TRAK2: variants seen among roughly 807,000 people sequenced by gnomAD.
TRAK2 encodes trafficking kinesin protein 2, also known as trafficking kinesin-binding protein 2.
TRAK2 carries 81 observed loss-of-function variants against 104.6 expected under a neutral mutation model. The observed-to-expected ratio is 0.77, with a 90% CI of 0.65 to 0.93. The LOEUF (loss-of-function observed/expected upper bound fraction) is 0.93. Ranked by LOEUF, TRAK2 falls within the 40% of genes least tolerant of loss-of-function variation. The pLI, the probability that TRAK2 is intolerant of heterozygous loss-of-function variation, is 0.00. For missense variants in TRAK2, 1,002 were observed against 1,089.0 expected (o/e 0.92, Z 1.12); for synonymous variants, 406 against 394.4 (o/e 1.03, Z -0.35).
chr2:201,425,567 A>G (rs554997779), intron 1 of TRAK2, among the ~76,000 whole-genome samples: 9 of 151,948 alleles, frequency 5.9e-5, no homozygotes, highest in Admixed American at 5.9e-4. Flanking sequence ...CGCCTGGCTA[A>G]TTTTTTTATT....
In TRAK2 at chr2:201,379,936, G is replaced by C. The variant is rs1243581030; in HGVS notation, c.*607C>G. 2.0e-5 allele frequency: 3 copies of C among 151,948 alleles called. No individual in the cohort carries two copies. The East Asian group carries it at 5.8e-4, about 29-fold the overall frequency. 9.4% of individuals were successfully genotyped at this position (151,948 alleles called of 1,614,324 possible). ...GGGCTCAAAGGCCTGAAAACAGAAAGGAAAATAGGAGTCTCCACCTGTGAT... is the reference window on the plus strand; with the variant it reads ...GGGCTCAAAGGCCTGAAAACAGAAACGAAAATAGGAGTCTCCACCTGTGAT... On this transcript the variant is annotated 3_prime_UTR_variant, in exon 16 of 16. Transcript: ENST00000332624.
At chr2:201,423,618 T>A (rs531501490) in intron 1 of TRAK2, 151 of 152,330 alleles carry the variant, frequency 9.9e-4, no homozygotes, top group African/African-American at 2.9e-3. Flanking sequence ...AAAATTTTTT[T>A]AAAAATTTGA....
At chr2:201,392,050 G>A (rs1420833216) in intron 10 of TRAK2, among the ~76,000 whole-genome samples, 1 of 152,068 alleles carries the variant, frequency 6.6e-6, no homozygotes, top group Non-Finnish European at 1.5e-5. Context: ...GTGTCCAAAT[G>A]TCCTCGTTTT....
intron 1 of TRAK2, among the ~76,000 whole-genome samples, chr2:201,423,776 C>T (rs940811216): frequency 2.6e-5 from 4 of 151,810 alleles, no homozygotes; most frequent in Non-Finnish European, 4.4e-5. Context: ...GTATATAATA[C>T]ACAATTTTAA....
intron 15 of TRAK2, among the ~76,000 whole-genome samples, chr2:201,383,093 G>C (rs999616390): frequency 6.6e-6 from 1 of 152,204 alleles, no homozygotes; most frequent in African/African-American, 2.4e-5. Flanking sequence ...AGCTACCTTA[G>C]ATCCTTTTGG....
At chr2:201,417,241 C>CAAAAAAAAAAAAAAAAAAAAAAAAAGAA (rs61702415) in intron 2 of TRAK2, among the ~76,000 whole-genome samples, 1 of 88,432 alleles carries the variant, frequency 1.1e-5, no homozygotes, top group Non-Finnish European at 2.2e-5. Flanking sequence ...GAAGACATTG[C>CAAAAAAAAAAAAAAAAAAAAAAAAAGAA]AAAAAAAAAA....
intron 2 of TRAK2, among the ~76,000 whole-genome samples, chr2:201,414,907 A>C (rs1217909247): frequency 6.6e-6 from 1 of 151,468 alleles, no homozygotes; most frequent in Non-Finnish European, 1.5e-5. Flanking sequence ...TCTCTTCTAG[A>C]CTAGAATAAT....
At chr2:201,432,451 G>A (rs1158158330) in intron 1 of TRAK2, among the ~76,000 whole-genome samples, 1 of 152,052 alleles carries the variant, frequency 6.6e-6, no homozygotes, top group Non-Finnish European at 1.5e-5. Flanking sequence ...AACCAATCAG[G>A]CATGTATCAT....
chr2:201,407,752 T>A (rs1951608077), intron 2 of TRAK2, among the ~76,000 whole-genome samples, 155 bp from the exon 3 acceptor site: 1 of 77,678 alleles, frequency 1.3e-5, no homozygotes, highest in African/African-American at 4.6e-5. Context: ...TATATCCTAG[T>A]AGTATAGTTT....
intron 2 of TRAK2, among the ~76,000 whole-genome samples, chr2:201,414,793 T>C (rs759076965): frequency 2.0e-5 from 3 of 152,020 alleles, no homozygotes; most frequent in Admixed American, 2.0e-4. Context: ...AGAAGTTGAC[T>C]ATAAATACAT....
At chr2:201,436,865 G>A (rs1420127140) in intron 1 of TRAK2, among the ~76,000 whole-genome samples, 1 of 152,154 alleles carries the variant, frequency 6.6e-6, no homozygotes, top group Non-Finnish European at 1.5e-5. Flanking sequence ...AGAACAGAGG[G>A]TAACTTAAAA....
At chr2:201,426,769 A>G (rs1209050623) in intron 1 of TRAK2, among the ~76,000 whole-genome samples, 2 of 152,228 alleles carry the variant, frequency 1.3e-5, no homozygotes, top group African/African-American at 4.8e-5. Context: ...CTGTGCACCA[A>G]GTCCAGGGTG....
chr2:201,427,848 T>G (rs1951803902), intron 1 of TRAK2, among the ~76,000 whole-genome samples: 1 of 152,206 alleles, frequency 6.6e-6, no homozygotes, highest in Non-Finnish European at 1.5e-5. Context: ...TTTCCTGACT[T>G]TTTAATGACT....
intron 1 of TRAK2, among the ~76,000 whole-genome samples, chr2:201,449,646 G>T (rs1951994820): frequency 6.6e-6 from 1 of 150,608 alleles, no homozygotes; most frequent in Admixed American, 6.6e-5. Flanking sequence ...CACCATGCCT[G>T]GCTAATTTTT....
chr2:201,407,532 G>A lies in TRAK2; in HGVS notation c.157C>T (p.Gln53Ter), dbSNP rs936162642. The A allele has an allele frequency of 7.4e-6, 12 of 1,614,096 alleles. No individual in the cohort carries two copies. The highest frequency in any genetic ancestry group is 1.0e-5 in the Non-Finnish European group (12 of 1,179,990). Residue 53 changes from glutamine (Q) to a stop codon, truncating the protein, a stop_gained, in exon 3 of 16, where the codon CAG becomes TAG. Coordinates refer to ENST00000332624, the MANE Select transcript of TRAK2 (RefSeq NM_015049.3). LOFTEE classifies it high-confidence loss of function. ...LVSLLEEQLP[Q>*]YRLKVDTLFL... ...AGAGTGTCTACTTTTAGCCTATACT[G>A]TGGTAGTTGTTCTTCTAGCAGACTC...
At chr2:201,387,563 G>A in intron 13 of TRAK2, 140 bp downstream of exon 13, 1 of 823,778 alleles carries the variant, frequency 1.2e-6, no homozygotes, top group South Asian at 2.1e-5. Context: ...CTACAGTCTT[G>A]CCACCCAAAC....
chr2:201,393,074 A>G (rs1559439917), intron 9 of TRAK2, 28 bp from the exon 10 acceptor site: 2 of 1,577,682 alleles, frequency 1.3e-6, no homozygotes, highest in South Asian at 2.3e-5. Context: ...AGTGTACTTT[A>G]TTGCCTTCCC....
intron 1 of TRAK2, among the ~76,000 whole-genome samples, chr2:201,424,634 A>G (rs1951771142): frequency 6.7e-6 from 1 of 149,644 alleles, no homozygotes; most frequent in Admixed American, 6.7e-5. Context: ...ACAGAGTCTC[A>G]CTCTTTCGCC....
chr2:201,412,713 A>C, intron 2 of TRAK2: 2 of 1,425,386 alleles, frequency 1.4e-6, no homozygotes, highest in African/African-American at 1.4e-5. Flanking sequence ...TTGATGATAC[A>C]CAACAATCAA....
Sources: allele counts gnomAD v4.1 joint callset (sites outside exome capture counted in the v4.1 genomes callset), GRCh38; gene constraint gnomAD v4.1.1; transcripts MANE v1.5; gene names NCBI Gene and HGNC (gene_info 2026-07-23, HGNC 2026-07-21).